Variants in JAG1 observed in about 807,000 individuals in gnomAD.
The protein encoded by JAG1 is protein jagged-1.
Under a neutral mutation model 148.7 loss-of-function variants are expected in JAG1, and 23 were observed. That is an observed-to-expected ratio of 0.15 (90% CI 0.11 to 0.22). The LOEUF is 0.22. JAG1 is among the 10% of genes least tolerant of loss of function. The pLI is 1.00. For synonymous variants in JAG1, 572 were observed against 598.3 expected (o/e 0.96, Z 0.64); for missense variants, 1,054 against 1,611.2 (o/e 0.65, Z 5.92).
At chr20:10,669,434 G>A (rs998894516) in intron 2 of JAG1, among the ~76,000 whole-genome samples, 3 of 151,414 alleles carry the variant, frequency 2.0e-5, no homozygotes, top group African/African-American at 7.3e-5. Flanking sequence ...GTAAGGGCCT[G>A]TCAATTACAT....
chr20:10,647,840 C>T, intron 13 of JAG1, 120 bp downstream of exon 13: 1 of 1,096,426 alleles, frequency 9.1e-7, no homozygotes, highest in South Asian at 1.3e-5. Context: ...AGGATCATTT[C>T]ACTATAGAGG....
chr20:10,645,393 G>T lies in JAG1; in HGVS notation c.2076C>A (p.Asp692Glu), dbSNP rs2067301920. The T allele has an allele frequency of 1.2e-6, 2 of 1,612,998 alleles. No individual in the cohort carries two copies. The highest frequency in any genetic ancestry group is 1.7e-6 in the Non-Finnish European group (2 of 1,179,828). ...TCTTTCCTTTCCACCCATTTTTACA[G>T]TCACAGTAGAAGTCATTGACCAGGT... is the stretch of plus-strand genomic sequence containing the variant. Reference protein sequence around the residue: ...CRDLVNDFYCDCKNGWKGKTC... With the variant: ...CRDLVNDFYCECKNGWKGKTC... Residue 692 changes from aspartate (D) to glutamate (E), a missense_variant, in exon 16 of 26, where the codon GAC becomes GAA. By Grantham distance (45) the Asp-to-Glu change is conservative (BLOSUM62 2). Coordinates refer to ENST00000254958, the MANE Select transcript of JAG1 (RefSeq NM_000214.3). This position sits in a 1 kb window ranked among gnomAD's most constrained non-coding sequence, Gnocchi z 6.1.
In JAG1 at chr20:10,645,075, G is replaced by A. The variant is rs2067298677; in HGVS notation, c.2227+68C>T. On this transcript the variant is annotated intron_variant, in intron 17 of 25. Coordinates refer to ENST00000254958, the MANE Select transcript of JAG1 (RefSeq NM_000214.3). The surrounding 1 kb of genome is among the most constrained non-coding windows in gnomAD (Gnocchi z 6.1). ...GCCCAGAGAAATATCATAAGCTCCA[G>A]GGGCCAACCAGCAGACACGCCCAGG... 6.6e-7 allele frequency: 1 copy of A among 1,517,034 alleles called. No homozygotes were observed. The highest frequency in any genetic ancestry group is 9.2e-7 in the Non-Finnish European group (1 of 1,091,692). The allele number at this position is 1,517,034 out of a possible 1,614,324, so 94.0% of individuals were successfully genotyped here. A position where few individuals can be genotyped will look rare whatever the true frequency, so the allele number is the denominator to read the frequency against.
chr20:10,673,668 C>G lies in JAG1; in HGVS notation c.-138G>C. On this transcript the variant is annotated 5_prime_UTR_variant, in exon 1 of 26. Transcript: ENST00000254958. This position sits in a 1 kb window ranked among gnomAD's most constrained non-coding sequence, Gnocchi z 4.7. ...TATACTCCGCCGATTGGAGCATGCA[C>G]GACTGGAAAACAACACCACTTTTCA... 3.3e-6 allele frequency: 1 copy of G among 303,860 alleles called. No individual in the cohort carries two copies. The highest frequency in any genetic ancestry group is 5.8e-6 in the Non-Finnish European group (1 of 173,552). 18.8% of individuals were successfully genotyped at this position (303,860 alleles called of 1,614,324 possible).
At chr20:10,661,741 G>A (rs12624962) in intron 3 of JAG1, among the ~76,000 whole-genome samples, 12,845 of 152,226 alleles carry the variant, frequency 0.084, 788 homozygotes, top group East Asian at 0.22. Flanking sequence ...AGCACTAGAG[G>A]TGAGTCAGAG....
chr20:10,639,580 T>G lies in JAG1; in HGVS notation c.3575A>C (p.Lys1192Thr). The change falls in exon 26 of 26, where the codon AAA becomes ACA. Residue 1192 changes from lysine (K) to threonine (T), a missense_variant. Lys to Thr is a moderately conservative substitution (Grantham distance 78, BLOSUM62 -1). Coordinates refer to ENST00000254958, the MANE Select transcript of JAG1 (RefSeq NM_000214.3). ...CTGTTTGTTTGTCCAGTTTGGGTGT[T>G]TTGTCGGCGTGCCGTTGGGGGGCTT... ...EEKPPNGTPTKHPNWTNKQDN... is the reference protein window; with the variant it reads ...EEKPPNGTPTTHPNWTNKQDN... 6.2e-7 allele frequency: 1 copy of G among 1,614,184 alleles called. No individual in the cohort carries two copies. The highest frequency in any genetic ancestry group is 8.5e-7 in the Non-Finnish European group (1 of 1,180,024).
intron 8 of JAG1, chr20:10,650,867 A>G (rs2067341299): frequency 6.0e-6 from 1 of 166,568 alleles, no homozygotes; most frequent in Admixed American, 5.6e-5. Flanking sequence ...TGTCTTTATG[A>G]CAACCTCGGA....
intron 3 of JAG1, among the ~76,000 whole-genome samples, chr20:10,660,327 T>C (rs1309490440): frequency 6.6e-6 from 1 of 150,630 alleles, no homozygotes; most frequent in Non-Finnish European, 1.5e-5. Flanking sequence ...TGCAGGCAGG[T>C]AACACTTTAC....
chr20:10,648,537 G>T lies in JAG1; in HGVS notation c.1569+12C>A, dbSNP rs1423786595. On this transcript the variant is annotated intron_variant, in intron 12 of 25. Coordinates refer to ENST00000254958, the MANE Select transcript of JAG1 (RefSeq NM_000214.3). ...TAAAAACTTGGCCATCTGAGGTTTTGCCACCACTCACCTGACAGAGGTTTC... is the reference window on the plus strand; with the variant it reads ...TAAAAACTTGGCCATCTGAGGTTTTTCCACCACTCACCTGACAGAGGTTTC... The T allele has an allele frequency of 1.2e-6, 2 of 1,612,316 alleles. No homozygotes were observed. Among genetic ancestry groups the T allele is most frequent in the Non-Finnish European group, 1.7e-6 (2 of 1,179,504 alleles).
Position 10,659,928 on chromosome 20 carries a change from A to G in JAG1, c.440-1206T>C, listed in dbSNP as rs1210940915. 1.3e-5 allele frequency among the ~76,000 whole-genome samples: 2 copies of G among 152,136 alleles called. 1 individual carries two copies. The highest frequency in any genetic ancestry group is 1.3e-4 in the Admixed American group (2 of 15,282). On this transcript the variant is annotated intron_variant, in intron 3 of 25. Coordinates refer to ENST00000254958, the MANE Select transcript of JAG1 (RefSeq NM_000214.3). ...CAGGTGCCAGCAGTTCAGGGGAGGG[A>G]TCTGAAAAGGCAGCAAGGCACTAAA...
intron 2 of JAG1, among the ~76,000 whole-genome samples, chr20:10,665,811 G>A (rs920041360): frequency 2.6e-5 from 4 of 152,266 alleles, no homozygotes; most frequent in South Asian, 2.1e-4. Context: ...GGAAGGTGCC[G>A]GGACTGAGCT....
At chr20:10,653,441 G>C (rs1024024766) in intron 5 of JAG1, among the ~76,000 whole-genome samples, 2 of 150,716 alleles carry the variant, frequency 1.3e-5, no homozygotes, top group African/African-American at 4.9e-5. Flanking sequence ...GGGTGGGAGA[G>C]GGGGCAGCGT....
rs777611657 is a variant in JAG1 at position 10,640,850 on chromosome 20, T to G, written c.3132A>C (p.Gly1044=). 2.8e-5 allele frequency: 45 copies of G among 1,614,230 alleles called. No individual in the cohort carries two copies. Among genetic ancestry groups the G allele is most frequent in the Non-Finnish European group, 3.6e-5 (43 of 1,180,038 alleles). Residue 1044 remains glycine, a synonymous_variant, in exon 25 of 26, where the codon GGA becomes GGC. Coordinates refer to ENST00000254958, the MANE Select transcript of JAG1 (RefSeq NM_000214.3). The part of the protein sequence containing the change: ...KIIDLVSKRD[G]NSSLIAAVAE... ...CAACGGCAGCAATCAGCGAGCTGTT[T>G]CCATCACGTTTACTAACAAGATCGA...
chr20:10,645,385 T>A lies in JAG1; in HGVS notation c.2084A>T (p.Asn695Ile). The change falls in exon 16 of 26, where the codon AAT (asparagine) becomes ATT (isoleucine). Residue 695 changes from asparagine to isoleucine, a missense_variant. Transcript: ENST00000254958. This position sits in a 1 kb window ranked among gnomAD's most constrained non-coding sequence, Gnocchi z 6.1. Reference sequence around the variant, plus strand: ...GTGGCAGGTCTTTCCTTTCCACCCATTTTTACAGTCACAGTAGAAGTCATT... The same window carrying A: ...GTGGCAGGTCTTTCCTTTCCACCCAATTTTACAGTCACAGTAGAAGTCATT... ...LVNDFYCDCKNGWKGKTCHSR... is the reference protein window; with the variant it reads ...LVNDFYCDCKIGWKGKTCHSR... The A allele has an allele frequency of 6.2e-7, 1 of 1,612,842 alleles. No individual in the cohort carries two copies. Among genetic ancestry groups the A allele is most frequent in the Non-Finnish European group, 8.5e-7 (1 of 1,179,780 alleles).
In JAG1 at chr20:10,642,527, C is replaced by T; in HGVS notation, c.2533G>A (p.Val845Ile). ...CVDEINGYRC[V>I]CPPGHSGAKC... ...GCACCACTGTGCCCTGGAGGGCAGA[C>T]ACACCGGTAGCCATTGATCTCATCC... Residue 845 changes from valine to isoleucine, a missense_variant, in exon 21 of 26, where the codon GTC (valine) becomes ATC (isoleucine). Coordinates refer to ENST00000254958, the MANE Select transcript of JAG1 (RefSeq NM_000214.3). 2 of 1,613,974 alleles carry T rather than the reference C, an allele frequency of 1.2e-6. No individual in the cohort carries two copies. The highest frequency in any genetic ancestry group is 1.7e-6 in the Non-Finnish European group (2 of 1,179,852).
chr20:10,648,428 A>T (rs1201570882), intron 12 of JAG1, 121 bp downstream of exon 12: 1 of 847,140 alleles, frequency 1.2e-6, no homozygotes, highest in Non-Finnish European at 2.0e-6. Flanking sequence ...TCTCATCAAT[A>T]GGATGTTAAT....
intron 2 of JAG1, among the ~76,000 whole-genome samples, chr20:10,671,369 T>C (rs1291007507): frequency 6.6e-6 from 1 of 152,212 alleles, no homozygotes; most frequent in Non-Finnish European, 1.5e-5. Context: ...ATTTTTCTTT[T>C]TATAAACCCC....
chr20:10,653,550 A>G (rs372814228), intron 5 of JAG1, among the ~76,000 whole-genome samples: 7 of 141,270 alleles, frequency 5.0e-5, no homozygotes, highest in South Asian at 2.3e-4. Flanking sequence ...AGGGAGAAAC[A>G]TCAACTAGCC....
chr20:10,650,376 A>G lies in JAG1; in HGVS notation c.1121-16T>C. ...TCATCAATGTCTGGTCAACAAGAAA[A>G]GGAGGGGGTTGACAATTTAATTCAA... is the stretch of plus-strand genomic sequence containing the variant. On this transcript the variant is annotated splice_polypyrimidine_tract_variant and intron_variant, in intron 8 of 25. Transcript: ENST00000254958. 7.0e-7 allele frequency: 1 copy of G among 1,425,994 alleles called. No homozygotes were observed. The highest frequency in any genetic ancestry group is 9.9e-7 in the Non-Finnish European group (1 of 1,009,694). The allele number at this position is 1,425,994 out of a possible 1,614,324, so 88.3% of individuals were successfully genotyped here.
Sources: allele counts gnomAD v4.1 joint callset (sites outside exome capture counted in the v4.1 genomes callset), GRCh38; gene constraint gnomAD v4.1.1; non-coding constraint Gnocchi (gnomAD v3.1); transcripts MANE v1.5; gene names NCBI Gene and HGNC (gene_info 2026-07-23, HGNC 2026-07-21).